The following CADPS variants were observed in gnomAD, a reference collection of about 807,000 sequenced individuals.
The protein encoded by CADPS is calcium dependent secretion activator.
A neutral mutation model predicts 167.3 loss-of-function variants in CADPS; 57 were observed. The observed-to-expected ratio is 0.34, with a 90% confidence interval of 0.28 to 0.42. The LOEUF (loss-of-function observed/expected upper bound fraction) is 0.42, where lower values mean the gene tolerates loss of function less well. CADPS is among the 20% of genes least tolerant of loss of function. The probability of loss-of-function intolerance (pLI) is 1.00; values close to 1 mark genes in which losing one functional copy is unlikely to be tolerated. For missense variants in CADPS, 1,414 were observed against 1,738.1 expected (o/e 0.81, Z 3.32); for synonymous variants, 676 against 635.3 (o/e 1.06, Z -0.96).
At chr3:62,840,862 T>G (rs2076557390) in intron 1 of CADPS, among the ~76,000 whole-genome samples, 1 of 152,162 alleles carries the variant, frequency 6.6e-6, no homozygotes, top group South Asian at 2.1e-4. Flanking sequence ...TGATACAGAT[T>G]CTTGTTTGCA....
At chr3:62,666,079 G>A (rs1332621201) in intron 3 of CADPS, among the ~76,000 whole-genome samples, 2 of 152,136 alleles carry the variant, frequency 1.3e-5, no homozygotes, top group Non-Finnish European at 2.9e-5. Flanking sequence ...GTAGGGTGTC[G>A]GTCTGACAGT....
chr3:62,750,367 A>C (rs2082432520), intron 3 of CADPS, among the ~76,000 whole-genome samples: 1 of 151,054 alleles, frequency 6.6e-6, no homozygotes. Flanking sequence ...AAAAAAAAAA[A>C]AAAAAAAAAA....
chr3:62,598,269 G>T (rs1240806566), intron 6 of CADPS, among the ~76,000 whole-genome samples: 1 of 152,178 alleles, frequency 6.6e-6, no homozygotes, highest in African/African-American at 2.4e-5. Flanking sequence ...CCCCAGTCTG[G>T]TTAGCCTGGA....
chr3:62,852,755 C>A (rs941048196), intron 1 of CADPS, among the ~76,000 whole-genome samples: 1 of 152,186 alleles, frequency 6.6e-6, no homozygotes, highest in Non-Finnish European at 1.5e-5. Flanking sequence ...AAAGCCACCT[C>A]CCTCCAGGAG....
At chr3:62,582,451 A>C (rs2083621726) in intron 8 of CADPS, among the ~76,000 whole-genome samples, 3 of 152,144 alleles carry the variant, frequency 2.0e-5, no homozygotes, top group African/African-American at 7.2e-5. Context: ...ATCTCAAAAA[A>C]ATTTTTCTTT....
rs981875577 is a variant in CADPS, at chr3:62,874,140, G to C, written c.441+449C>G. The stretch of plus-strand genomic sequence containing the variant: ...CTCCACCTCGGCGCCCCCACCTGCC[G>C]TTGCCCCCGCCCGCCGAACGCACGC... On this transcript the variant is annotated intron_variant, in intron 1 of 29. Transcript: ENST00000383710. The surrounding 1 kb of genome is among the most constrained non-coding windows in gnomAD (Gnocchi z 7.1). Among the ~76,000 whole-genome samples the C allele has an allele frequency of 6.6e-6, 1 of 152,146 alleles. No homozygotes were observed. The highest frequency in any genetic ancestry group is 6.5e-5 in the Admixed American group (1 of 15,284).
At chr3:62,472,057 G>T (rs1388171516) in intron 24 of CADPS, among the ~76,000 whole-genome samples, 1 of 151,434 alleles carries the variant, frequency 6.6e-6, no homozygotes, top group Non-Finnish European at 1.5e-5. Flanking sequence ...CTACAGCATG[G>T]ATAAATCTTG....
chr3:62,763,049 A>G (rs2085909387), intron 2 of CADPS, among the ~76,000 whole-genome samples: 1 of 152,168 alleles, frequency 6.6e-6, no homozygotes, highest in African/African-American at 2.4e-5. Context: ...GGTAAAAAGC[A>G]GCCTAACGGT....
intron 2 of CADPS, among the ~76,000 whole-genome samples, chr3:62,754,690 G>C (rs979640125): frequency 6.6e-6 from 1 of 152,136 alleles, no homozygotes; most frequent in Non-Finnish European, 1.5e-5. Context: ...GGGTCTTGCT[G>C]TGTTGCCTAG....
chr3:62,560,773 T>TAATGTTC (rs1323293426), intron 9 of CADPS, among the ~76,000 whole-genome samples: 2 of 152,100 alleles, frequency 1.3e-5, no homozygotes, highest in African/African-American at 4.8e-5. Flanking sequence ...TGCTTTGAAG[T>TAATGTTC]AATGTTCCTT....
intron 1 of CADPS, among the ~76,000 whole-genome samples, chr3:62,836,765 C>T (rs776537746): frequency 2.0e-5 from 3 of 152,142 alleles, no homozygotes; most frequent in Non-Finnish European, 4.4e-5. Context: ...GAATTTTAAA[C>T]CAATAAGATT....
intron 11 of CADPS, among the ~76,000 whole-genome samples, chr3:62,546,825 A>G (rs545051387): frequency 6.6e-6 from 1 of 152,280 alleles, no homozygotes; most frequent in South Asian, 2.1e-4. Context: ...ATGCCATTTT[A>G]TAAAGGGGAT....
chr3:62,673,538 C>CTAAAATAT (rs2075890205), intron 3 of CADPS, among the ~76,000 whole-genome samples: 3 of 152,290 alleles, frequency 2.0e-5, no homozygotes, highest in East Asian at 1.9e-4. Flanking sequence ...TCACTAAACA[C>CTAAAATAT]TTGCCTTGTT....
intron 6 of CADPS, among the ~76,000 whole-genome samples, chr3:62,644,393 G>A (rs1241911572): frequency 6.6e-6 from 1 of 152,084 alleles, no homozygotes; most frequent in Non-Finnish European, 1.5e-5. Flanking sequence ...AATCTTTGAG[G>A]CCTGAGAGTC....
At chr3:62,549,759 C>T (rs2077036829) in intron 11 of CADPS, 144 bp downstream of exon 11, 2 of 669,622 alleles carry the variant, frequency 3.0e-6, no homozygotes, top group South Asian at 2.0e-5. Flanking sequence ...TTTGCCCCAA[C>T]TTTCCCCCTG....
chr3:62,535,857 G>A (rs970753509), intron 12 of CADPS, among the ~76,000 whole-genome samples: 1 of 151,778 alleles, frequency 6.6e-6, no homozygotes, highest in Non-Finnish European at 1.5e-5. Flanking sequence ...TACTCCTGCT[G>A]GATAGATAGC....
intron 10 of CADPS, chr3:62,550,766 A>G: frequency 2.2e-6 from 1 of 456,314 alleles, no homozygotes; most frequent in Admixed American, 2.3e-5. Context: ...CAGTGGACAC[A>G]TTGCTGAATA....
chr3:62,862,638 AG>A (rs1407644765), intron 1 of CADPS, among the ~76,000 whole-genome samples: 1 of 152,220 alleles, frequency 6.6e-6, no homozygotes, highest in Non-Finnish European at 1.5e-5. Context: ...TCAATAACCA[AG>A]TAGATGTGAA....
intron 3 of CADPS, among the ~76,000 whole-genome samples, chr3:62,726,924 C>T (rs776399011): frequency 6.6e-6 from 1 of 151,798 alleles, no homozygotes; most frequent in Non-Finnish European, 1.5e-5. Flanking sequence ...GCACGCATCT[C>T]TTTAAAAAGA....
Sources: allele counts gnomAD v4.1 joint callset (sites outside exome capture counted in the v4.1 genomes callset), GRCh38; gene constraint gnomAD v4.1.1; non-coding constraint Gnocchi (gnomAD v3.1); transcripts MANE v1.5; gene names NCBI Gene and HGNC (gene_info 2026-07-23, HGNC 2026-07-21).